The following GHR variants were observed in gnomAD, a reference collection of about 807,000 sequenced individuals.
The protein encoded by GHR is growth hormone receptor, also known as GH receptor.
A neutral mutation model predicts 67.1 loss-of-function variants in GHR; 35 were observed. The ratio of observed to expected loss-of-function variants is 0.52; its 90% CI spans 0.40 to 0.69. The LOEUF (loss-of-function observed/expected upper bound fraction) is 0.69, where lower values mean the gene tolerates loss of function less well. Ranked by LOEUF, GHR falls within the 30% of genes least tolerant of loss-of-function variation. The pLI is 0.00. For synonymous variants in GHR, 272 were observed against 269.1 expected (o/e 1.01, Z -0.10); for missense variants, 792 against 764.6 (o/e 1.04, Z -0.42).
chr5:42,558,566 T>C (rs568285129), intron 1 of GHR, among the ~76,000 whole-genome samples: 2 of 152,352 alleles, frequency 1.3e-5, no homozygotes, highest in African/African-American at 4.8e-5. Flanking sequence ...TTTTATGACA[T>C]CTTTTCTATG....
chr5:42,711,060 T>C (rs1195923350), intron 6 of GHR, 147 bp from the exon 7 acceptor site: 1 of 696,828 alleles, frequency 1.4e-6, no homozygotes, highest in African/African-American at 1.8e-5. Flanking sequence ...AATCTTCCTT[T>C]AAATAACAAA....
intron 1 of GHR, among the ~76,000 whole-genome samples, chr5:42,484,329 G>T (rs977773663): frequency 6.6e-6 from 1 of 152,120 alleles, no homozygotes; most frequent in Non-Finnish European, 1.5e-5. Context: ...CCTTATGTAG[G>T]ACTACAGGTA....
intron 2 of GHR, among the ~76,000 whole-genome samples, chr5:42,593,503 A>T (rs1751904202): frequency 6.6e-6 from 1 of 152,214 alleles, no homozygotes; most frequent in South Asian, 2.1e-4. Flanking sequence ...TCAGTGGGCA[A>T]CTGAAGAAGT....
chr5:42,693,342 A>G (rs764562465), intron 4 of GHR, among the ~76,000 whole-genome samples: 5 of 151,954 alleles, frequency 3.3e-5, no homozygotes, highest in Non-Finnish European at 5.9e-5. Context: ...GGGTTTTACC[A>G]TGTTAGCCAG....
chr5:42,539,545 G>A (rs1490798622), intron 1 of GHR, among the ~76,000 whole-genome samples: 1 of 152,182 alleles, frequency 6.6e-6, no homozygotes, highest in African/African-American at 2.4e-5. Flanking sequence ...CTCAGCCATG[G>A]ATACCAGCAC....
intron 1 of GHR, among the ~76,000 whole-genome samples, chr5:42,539,413 G>A (rs1748401868): frequency 6.6e-6 from 1 of 152,174 alleles, no homozygotes; most frequent in Admixed American, 6.5e-5. Flanking sequence ...TTTCCTGTGA[G>A]CTGAGCTGAA....
intron 3 of GHR, among the ~76,000 whole-genome samples, chr5:42,659,678 G>A (rs1189035495): frequency 2.0e-5 from 3 of 152,198 alleles, no homozygotes; most frequent in Non-Finnish European, 2.9e-5. Flanking sequence ...CAGCGTGAGC[G>A]ACACAGAAGA....
At chr5:42,656,511 C>T (rs531248008) in intron 3 of GHR, among the ~76,000 whole-genome samples, 1 of 152,230 alleles carries the variant, frequency 6.6e-6, no homozygotes, top group South Asian at 2.1e-4. Context: ...TATCTTTGCA[C>T]TCCTGTCCAT....
chr5:42,644,071 ACT>A (rs965972940), intron 3 of GHR, among the ~76,000 whole-genome samples: 18 of 152,082 alleles, frequency 1.2e-4, no homozygotes, highest in African/African-American at 4.1e-4. Flanking sequence ...TACATTACAA[ACT>A]CTAATGACAT....
chr5:42,566,062 A>G, intron 2 of GHR, 118 bp downstream of exon 2: 1 of 1,209,230 alleles, frequency 8.3e-7, no homozygotes, highest in East Asian at 2.3e-5. Context: ...CATAGCAGCA[A>G]AAAGGAAACT....
At chr5:42,457,074 C>A (rs1293247724) in intron 1 of GHR, among the ~76,000 whole-genome samples, 2 of 152,074 alleles carry the variant, frequency 1.3e-5, no homozygotes, top group Non-Finnish European at 1.5e-5. Context: ...GTTTTGCTCG[C>A]TTCTTCCTGT....
At chr5:42,690,165 G>A (rs1302144372) in intron 4 of GHR, among the ~76,000 whole-genome samples, 2 of 152,204 alleles carry the variant, frequency 1.3e-5, no homozygotes, top group Admixed American at 1.3e-4. Context: ...CAAGGTGTTC[G>A]TTAGTCAGAG....
intron 6 of GHR, among the ~76,000 whole-genome samples, chr5:42,702,283 G>A (rs1175485098): frequency 6.6e-6 from 1 of 152,034 alleles, no homozygotes; most frequent in Non-Finnish European, 1.5e-5. Context: ...CTGCATATAA[G>A]TGAGATTATG....
chr5:42,473,148 C>T (rs1004326967), intron 1 of GHR, among the ~76,000 whole-genome samples: 7 of 152,018 alleles, frequency 4.6e-5, no homozygotes, highest in Non-Finnish European at 1.0e-4. Context: ...CAGAATTCAC[C>T]CTAACTGGGT....
chr5:42,691,626 A>T (rs10941583), intron 4 of GHR, among the ~76,000 whole-genome samples: 2 of 152,100 alleles, frequency 1.3e-5, no homozygotes, highest in African/African-American at 4.8e-5. Context: ...GTCAGTGGGC[A>T]GTGCAGTTGT....
At chr5:42,437,927 A>G (rs778383355) in intron 1 of GHR, among the ~76,000 whole-genome samples, 2 of 151,482 alleles carry the variant, frequency 1.3e-5, no homozygotes, top group African/African-American at 2.4e-5. Flanking sequence ...CTTATATTGC[A>G]TAAGCTACTT....
chr5:42,594,612 T>C (rs1372698347), intron 2 of GHR, among the ~76,000 whole-genome samples: 1 of 152,218 alleles, frequency 6.6e-6, no homozygotes, highest in Non-Finnish European at 1.5e-5. Context: ...ATGAACACTT[T>C]AGTAATAATA....
At chr5:42,558,243 A>G (rs1401609647) in intron 1 of GHR, among the ~76,000 whole-genome samples, 1 of 152,188 alleles carries the variant, frequency 6.6e-6, no homozygotes, top group Non-Finnish European at 1.5e-5. Flanking sequence ...TCTTTAGTGA[A>G]TTTTTTGTCC....
At chr5:42,707,366 C>A (rs1176795655) in intron 6 of GHR, among the ~76,000 whole-genome samples, 1 of 151,648 alleles carries the variant, frequency 6.6e-6, no homozygotes, top group Non-Finnish European at 1.5e-5. Flanking sequence ...TGCATATTAC[C>A]ATGAAAATAT....
Sources: gnomAD v4.1 joint callset for allele counts (sites outside exome capture counted in the v4.1 genomes callset) on GRCh38, gnomAD v4.1.1 for gene constraint, MANE v1.5 for transcripts, NCBI Gene and HGNC (gene_info 2026-07-23, HGNC 2026-07-21) for gene names.